EMB: variants seen among roughly 807,000 people sequenced by gnomAD.
EMB encodes embigin, also known as embigin homolog.
Under a neutral mutation model 41.4 loss-of-function variants are expected in EMB, and 31 were observed. That is an observed-to-expected ratio of 0.75 (90% CI 0.56 to 1.01). EMB has a LOEUF of 1.01. Among genes scored for constraint, EMB ranks in the 50% least tolerant of loss-of-function variants. The pLI is 0.00. For missense variants in EMB, 379 were observed against 388.3 expected (o/e 0.98, Z 0.20); for synonymous variants, 137 against 140.4 (o/e 0.98, Z 0.17).
rs774446436 is a variant in EMB, at chr5:50,421,655, AC to A, written c.196+6488del. On this transcript the variant is annotated intron_variant, in intron 2 of 8. Coordinates refer to ENST00000303221, the MANE Select transcript of EMB (RefSeq NM_198449.3). ...GACTTAGAACCAACCCAAATGTCCA[AC>A]AATGATAGACTGGATTAAGAAAATG... Among the ~76,000 whole-genome samples the A allele has an allele frequency of 3.2e-4, 48 of 152,026 alleles. No homozygotes were observed. In the East Asian group the frequency reaches 6.6e-3, roughly 21 times the overall value.
intron 2 of EMB, among the ~76,000 whole-genome samples, chr5:50,425,504 A>G (rs1579737815): frequency 6.6e-6 from 1 of 151,290 alleles, no homozygotes. Context: ...GAGGAAAAAA[A>G]CAAAAAAAAT....
At chr5:50,415,873 T>C (rs1186980325) in intron 2 of EMB, among the ~76,000 whole-genome samples, 5 of 152,226 alleles carry the variant, frequency 3.3e-5, no homozygotes, top group Non-Finnish European at 7.3e-5. Context: ...AGTGTAGCTA[T>C]ATACCAATAT....
At chr5:50,400,511 TA>T (rs970362086) in intron 7 of EMB, among the ~76,000 whole-genome samples, 1 of 150,740 alleles carries the variant, frequency 6.6e-6, no homozygotes, top group East Asian at 1.9e-4. Context: ...TAATATTTTC[TA>T]AAAAAAAAGA....
chr5:50,425,793 C>G (rs1330086265), intron 2 of EMB, among the ~76,000 whole-genome samples: 2 of 151,522 alleles, frequency 1.3e-5, no homozygotes, highest in African/African-American at 4.9e-5. Flanking sequence ...AAGTGATTCT[C>G]CTGCCTCAGC....
chr5:50,414,612 C>G (rs1561134673), intron 2 of EMB, among the ~76,000 whole-genome samples: 1 of 150,544 alleles, frequency 6.6e-6, no homozygotes, highest in Non-Finnish European at 1.5e-5. Context: ...TAAGCAAGGA[C>G]CAGATGCAAG....
intron 2 of EMB, among the ~76,000 whole-genome samples, chr5:50,416,206 C>G (rs1482358014): frequency 2.0e-5 from 3 of 152,198 alleles, no homozygotes; most frequent in Admixed American, 2.0e-4. Context: ...TTCCTTAATA[C>G]TGCACAACTG....
chr5:50,402,919 G>T (rs426976), intron 6 of EMB, among the ~76,000 whole-genome samples: 2 of 138,424 alleles, frequency 1.4e-5, no homozygotes, highest in African/African-American at 5.3e-5. Flanking sequence ...GGTGGGGGAA[G>T]AGAAAGAAAA....
intron 1 of EMB, among the ~76,000 whole-genome samples, chr5:50,434,479 G>C (rs1166140348): frequency 1.3e-5 from 2 of 152,122 alleles, no homozygotes; most frequent in African/African-American, 4.8e-5. Flanking sequence ...TTTTTATGAA[G>C]AAAAACCACA....
At chr5:50,421,838 T>C (rs1745529113) in intron 2 of EMB, among the ~76,000 whole-genome samples, 1 of 136,716 alleles carries the variant, frequency 7.3e-6, no homozygotes, top group Admixed American at 8.8e-5. Context: ...AGATGGGAAC[T>C]GAACAATGAG....
chr5:50,416,231 T>C (rs1285269746), intron 2 of EMB, among the ~76,000 whole-genome samples: 1 of 152,032 alleles, frequency 6.6e-6, no homozygotes, highest in Non-Finnish European at 1.5e-5. Context: ...GCATTTTTGC[T>C]GCTTTAGAGT....
intron 1 of EMB, among the ~76,000 whole-genome samples, chr5:50,429,483 T>TTA (rs1238680988): frequency 6.6e-6 from 1 of 152,210 alleles, no homozygotes; most frequent in African/African-American, 2.4e-5. Flanking sequence ...TACTTTAGCT[T>TTA]TAGAACATTG....
intron 3 of EMB, 91 bp downstream of exon 3, chr5:50,411,106 T>A: frequency 8.0e-7 from 1 of 1,249,592 alleles, no homozygotes; most frequent in South Asian, 1.5e-5. Flanking sequence ...AACATTCAAG[T>A]GGCTGCAGAG....
chr5:50,399,397 A>G, intron 8 of EMB, 107 bp from the exon 9 acceptor site: 1 of 1,464,948 alleles, frequency 6.8e-7, no homozygotes, highest in Non-Finnish European at 9.1e-7. Context: ...TGAGGGATCC[A>G]ATCTACTGCC....
At chr5:50,404,416 G>T (rs1395089774) in intron 5 of EMB, among the ~76,000 whole-genome samples, 1 of 151,836 alleles carries the variant, frequency 6.6e-6, no homozygotes, top group African/African-American at 2.4e-5. Flanking sequence ...GCACATGGTT[G>T]GTCTACATTT....
chr5:50,438,957 C>A (rs364165), intron 1 of EMB, among the ~76,000 whole-genome samples: 2 of 150,770 alleles, frequency 1.3e-5, no homozygotes, highest in East Asian at 3.9e-4. Flanking sequence ...TTAACCCTGA[C>A]GCCTATGGAA....
intron 2 of EMB, among the ~76,000 whole-genome samples, chr5:50,425,391 G>A (rs986224149): frequency 6.6e-5 from 10 of 151,886 alleles, no homozygotes; most frequent in African/African-American, 2.2e-4. Flanking sequence ...TGATTCCAAC[G>A]TTAACAAGTT....
chr5:50,429,876 CT>C, intron 1 of EMB, among the ~76,000 whole-genome samples: 1 of 151,836 alleles, frequency 6.6e-6, no homozygotes, highest in East Asian at 1.9e-4. Flanking sequence ...TACCCATATT[CT>C]CCCATTCTCC....
At position 50,440,908 on chromosome 5, in the gene EMB, C is replaced by A. The variant is rs1028391666; in HGVS notation, c.112+132G>T. 9 of 538,450 alleles carry A rather than the reference C, an allele frequency of 1.7e-5. No homozygotes were observed. In the African/African-American group the frequency reaches 1.8e-4, roughly 11 times the overall value. The allele number at this position is 538,450 out of a possible 1,614,324, so 33.4% of individuals were successfully genotyped here. The stretch of plus-strand genomic sequence containing the variant: ...GGGAGGCCGCCGCCGACTCTCCCAC[C>A]CGCCCTTACCAGCATCCCCGCGCCT... On this transcript the variant is annotated intron_variant, in intron 1 of 8. Coordinates refer to ENST00000303221, the MANE Select transcript of EMB (RefSeq NM_198449.3).
intron 2 of EMB, among the ~76,000 whole-genome samples, chr5:50,425,695 G>A (rs1445609003): frequency 3.3e-5 from 5 of 150,500 alleles, no homozygotes; most frequent in Non-Finnish European, 7.4e-5. Context: ...TTAAGCAAGT[G>A]CAATTTCTTT....
Sources: allele counts gnomAD v4.1 joint callset (sites outside exome capture counted in the v4.1 genomes callset), GRCh38; gene constraint gnomAD v4.1.1; transcripts MANE v1.5; gene names NCBI Gene and HGNC (gene_info 2026-07-23, HGNC 2026-07-21).